Variants in LATS2 observed in about 807,000 individuals in gnomAD.
The protein encoded by LATS2 is serine/threonine-protein kinase LATS2.
In LATS2, 24 loss-of-function variants were observed where a neutral mutation model predicts 76.0. The observed-to-expected ratio is 0.32, with a 90% CI of 0.23 to 0.44. The LOEUF is 0.44. Among genes scored for constraint, LATS2 ranks in the 20% least tolerant of loss-of-function variants. The pLI is 1.00. For synonymous variants in LATS2, 692 were observed against 635.4 expected (o/e 1.09, Z -1.34); for missense variants, 1,286 against 1,481.2 (o/e 0.87, Z 2.16).
At position 20,973,076 on chromosome 13, in the gene LATS2, G is replaced by A. The variant is rs1356462807; in HGVS notation, c.*1794C>T. ...TTAATAATAAATTGTGCCAGTAGAA[G>A]CTTTTCAAAGGTAATGATATATCAA... is the stretch of plus-strand genomic sequence containing the variant. On this transcript the variant is annotated 3_prime_UTR_variant, in exon 8 of 8. Transcript: ENST00000382592. 8.8e-6 allele frequency: 2 copies of A among 226,320 alleles called. No individual in the cohort carries two copies. The highest frequency in any genetic ancestry group is 1.8e-5 in the Non-Finnish European group (2 of 113,746). 14.0% of individuals were successfully genotyped at this position (226,320 alleles called of 1,614,324 possible).
chr13:21,036,802 C>T (rs1205833691), intron 2 of LATS2, among the ~76,000 whole-genome samples: 3 of 151,992 alleles, frequency 2.0e-5, no homozygotes, highest in Non-Finnish European at 4.4e-5. Context: ...CAAAAAACAA[C>T]AACAAAAAAG....
In LATS2 at chr13:20,983,651, A is replaced by G; in HGVS notation, c.2055T>C (p.Ala685=). Residue 685 remains alanine (A), a synonymous_variant, in exon 5 of 8, where the codon GCT becomes GCC. Transcript: ENST00000382592. ...ACAGGGCGTGAGTGTCCACCTTACA[A>G]GCAAGGCACACTTCTCCAAAGGCAC... ...GIGAFGEVCL[A]CKVDTHALYA... is the part of the protein sequence containing the mutation. The G allele has an allele frequency of 6.2e-7, 1 of 1,614,056 alleles. No homozygotes were observed. Among genetic ancestry groups the G allele is most frequent in the Non-Finnish European group, 8.5e-7 (1 of 1,180,000 alleles).
chr13:21,048,103 T>A (rs983738774), intron 1 of LATS2, among the ~76,000 whole-genome samples: 1 of 152,194 alleles, frequency 6.6e-6, no homozygotes, highest in Non-Finnish European at 1.5e-5. Context: ...GAGCTCTGCT[T>A]AATTGGTGTA....
intron 7 of LATS2, among the ~76,000 whole-genome samples, chr13:20,975,770 G>A (rs1269156268): frequency 6.6e-6 from 1 of 152,122 alleles, no homozygotes; most frequent in Non-Finnish European, 1.5e-5. Context: ...TGCAACCTCC[G>A]CCTCCTGGGT....
rs142294481 is a variant in LATS2 at position 21,009,410 on chromosome 13, C to T, written c.343-18006G>A. On this transcript the variant is annotated intron_variant, in intron 2 of 7. Coordinates refer to ENST00000382592, the MANE Select transcript of LATS2 (RefSeq NM_014572.3). Reference sequence around the variant, plus strand: ...ATTCCTGCAAACTGGTTCCAATTTGCTGCTGGATCATTGGTCCCAAACAAT... The same window carrying T: ...ATTCCTGCAAACTGGTTCCAATTTGTTGCTGGATCATTGGTCCCAAACAAT... Among the ~76,000 whole-genome samples, 6 of 152,314 alleles carry T rather than the reference C, an allele frequency of 3.9e-5. No individual in the cohort carries two copies. The East Asian group carries it at 1.2e-3, about 29-fold the overall frequency.
At chr13:21,056,307 G>C (rs1173225408) in intron 1 of LATS2, among the ~76,000 whole-genome samples, 1 of 151,942 alleles carries the variant, frequency 6.6e-6, no homozygotes, top group Non-Finnish European at 1.5e-5. Context: ...CCAAAGTGCT[G>C]GAATTACGGG....
At position 20,973,975 on chromosome 13, in the gene LATS2, C is replaced by CG. The variant is rs1215969840; in HGVS notation, c.*894_*895insC. ...GTATATGACAAATGTTTCAGTTCCCCCCCCCCAAAGAATCCAATCACAACC... is the reference window on the plus strand; with the variant it reads ...GTATATGACAAATGTTTCAGTTCCCCGCCCCCCAAAGAATCCAATCACAACC... On this transcript the variant is annotated 3_prime_UTR_variant, in exon 8 of 8. Transcript: ENST00000382592. 5.3e-6 allele frequency: 1 copy of CG among 189,530 alleles called. No homozygotes were observed. Among genetic ancestry groups the CG allele is most frequent in the African/African-American group, 2.5e-5 (1 of 40,130 alleles). 11.7% of individuals were successfully genotyped at this position (189,530 alleles called of 1,614,324 possible). A position where few individuals can be genotyped will look rare whatever the true frequency, so the allele number is the denominator to read the frequency against.
Position 20,989,030 on chromosome 13 carries a change from G to C in LATS2, c.750C>G (p.Gly250=). The C allele has an allele frequency of 6.4e-7, 1 of 1,561,458 alleles. No homozygotes were observed. Among genetic ancestry groups the C allele is most frequent in the South Asian group, 1.1e-5 (1 of 87,050 alleles). The part of the protein sequence containing the change: ...EAAGAHFPLQ[G]AHYGRPHLLV... ...GCAGGTGCGGCCGCCCGTAGTGCGC[G>C]CCCTGCAGCGGGAAGTGTGCCCCTG... The change falls in exon 4 of 8, where the codon GGC becomes GGG. Residue 250 remains glycine (G), a synonymous_variant. Coordinates refer to ENST00000382592, the MANE Select transcript of LATS2 (RefSeq NM_014572.3).
intron 2 of LATS2, among the ~76,000 whole-genome samples, chr13:21,004,158 G>A (rs1246252060): frequency 6.6e-6 from 1 of 152,130 alleles, no homozygotes; most frequent in Non-Finnish European, 1.5e-5. Context: ...ACGGTGGCTG[G>A]GTGCAGTGGC....
chr13:21,028,339 T>C (rs1355046753), intron 2 of LATS2, among the ~76,000 whole-genome samples: 1 of 152,180 alleles, frequency 6.6e-6, no homozygotes, highest in African/African-American at 2.4e-5. Flanking sequence ...TTGTTGGACA[T>C]TTGGGTTGGT....
chr13:20,991,158 T>C lies in LATS2; in HGVS notation c.475+114A>G. 1 of 1,301,110 alleles carries C rather than the reference T, an allele frequency of 7.7e-7. No homozygotes were observed. The highest frequency in any genetic ancestry group is 2.0e-5 in the Admixed American group (1 of 50,716). The allele number at this position is 1,301,110 out of a possible 1,614,324, so 80.6% of individuals were successfully genotyped here. ...TGCCTGTTAACTGAATGAGGCAATG[T>C]GCCAGGAGACTGGCTCTGGCCAGGC... is the stretch of plus-strand genomic sequence containing the variant. On this transcript the variant is annotated intron_variant, in intron 3 of 7. Coordinates refer to ENST00000382592, the MANE Select transcript of LATS2 (RefSeq NM_014572.3). This position sits in a 1 kb window ranked among gnomAD's most constrained non-coding sequence, Gnocchi z 4.9.
At chr13:21,010,201 A>AAAACAAACAAAC (rs56383441) in intron 2 of LATS2, among the ~76,000 whole-genome samples, 79,054 of 150,368 alleles carry the variant, frequency 0.53, 23,062 homozygotes, top group Non-Finnish European at 0.65. Flanking sequence ...CTCTGTCAAA[A>AAAACAAACAAAC]AAACAAACAA....
intron 2 of LATS2, among the ~76,000 whole-genome samples, chr13:21,040,789 G>A (rs1872851916): frequency 6.6e-6 from 1 of 151,890 alleles, no homozygotes; most frequent in Admixed American, 6.6e-5. Context: ...TGAGAGGAGG[G>A]GAGAGGGACC....
rs1472385151 is a variant in LATS2, at chr13:20,991,127, T to C, written c.475+145A>G. The C allele has an allele frequency of 9.5e-7, 1 of 1,050,442 alleles. No homozygotes were observed. Among genetic ancestry groups the C allele is most frequent in the Admixed American group, 2.2e-5 (1 of 45,444 alleles). 65.1% of individuals were successfully genotyped at this position (1,050,442 alleles called of 1,614,324 possible). On this transcript the variant is annotated intron_variant, in intron 3 of 7. Transcript: ENST00000382592. This position sits in a 1 kb window ranked among gnomAD's most constrained non-coding sequence, Gnocchi z 4.9. Reference sequence around the variant, plus strand: ...CTGACTCTGTCAGGGCAGGGCAGGCTCAGCTTGCCTGTTAACTGAATGAGG... The same window carrying C: ...CTGACTCTGTCAGGGCAGGGCAGGCCCAGCTTGCCTGTTAACTGAATGAGG...
chr13:21,014,861 G>C (rs1196533872), intron 2 of LATS2, among the ~76,000 whole-genome samples: 1 of 152,210 alleles, frequency 6.6e-6, no homozygotes, highest in Non-Finnish European at 1.5e-5. Flanking sequence ...TCTTTTTCCA[G>C]CTGGGATGAT....
At chr13:21,007,700 G>GTGTATATATATATATA (rs1418724711) in intron 2 of LATS2, among the ~76,000 whole-genome samples, 1 of 1,700 alleles carries the variant, frequency 5.9e-4, no homozygotes, top group Non-Finnish European at 8.7e-4. Flanking sequence ...TATATATATA[G>GTGTATATATATATATA]TATGTATATA....
rs35368391 is a variant in LATS2, at chr13:20,983,311, T to C, written c.2395A>G (p.Ile799Val). 2.1e-4 allele frequency: 333 copies of C among 1,614,072 alleles called. 2 individuals carry two copies. In the East Asian group the frequency reaches 5.7e-3, roughly 28 times the overall value. ...HRDIKPDNILIDLDGHIKLTD... is the reference protein window; with the variant it reads ...HRDIKPDNILVDLDGHIKLTD... ...AGTTTAATGTGACCATCCAGATCTA[T>C]CAAAATGTTATCAGGCTTGATGTCT... Residue 799 changes from isoleucine to valine, a missense_variant, in exon 5 of 8, where the codon ATA becomes GTA. By Grantham distance (29) the Ile-to-Val change is conservative. Transcript: ENST00000382592.
chr13:21,009,136 C>T (rs185135613), intron 2 of LATS2, among the ~76,000 whole-genome samples: 29 of 152,268 alleles, frequency 1.9e-4, no homozygotes, highest in African/African-American at 4.1e-4. Context: ...AAATAGGAAC[C>T]GCTCAGTCAC....
intron 7 of LATS2, among the ~76,000 whole-genome samples, chr13:20,978,484 T>C (rs1346826319): frequency 6.6e-6 from 1 of 152,180 alleles, no homozygotes; most frequent in Non-Finnish European, 1.5e-5. Context: ...GAATGAATAT[T>C]AGGAATATGC....
Sources: allele counts gnomAD v4.1 joint callset (sites outside exome capture counted in the v4.1 genomes callset), GRCh38; gene constraint gnomAD v4.1.1; non-coding constraint Gnocchi (gnomAD v3.1); transcripts MANE v1.5; gene names NCBI Gene and HGNC (gene_info 2026-07-23, HGNC 2026-07-21).